Variants in FSHR observed in about 807,000 individuals in gnomAD.
FSHR encodes follicle-stimulating hormone receptor.
In FSHR, 46 loss-of-function variants were observed where a neutral mutation model predicts 52.1. The observed-to-expected ratio is 0.88, with a 90% confidence interval of 0.70 to 1.13. FSHR has a LOEUF of 1.13. Among genes scored for constraint, FSHR ranks in the 50% most tolerant of loss-of-function variants. The pLI is 0.00. For synonymous variants in FSHR, 399 were observed against 309.6 expected (o/e 1.29, Z -3.03); for missense variants, 964 against 834.6 (o/e 1.16, Z -1.91).
At chr2:49,015,439 T>C (rs1667451681) in intron 4 of FSHR, among the ~76,000 whole-genome samples, 1 of 152,182 alleles carries the variant, frequency 6.6e-6, no homozygotes, top group Non-Finnish European at 1.5e-5. Flanking sequence ...TATTAATGTT[T>C]TTGAGCACTT....
At chr2:49,005,958 A>T (rs1470041074) in intron 4 of FSHR, among the ~76,000 whole-genome samples, 4 of 152,142 alleles carry the variant, frequency 2.6e-5, no homozygotes, top group African/African-American at 9.7e-5. Context: ...AGCTGCCAGC[A>T]TGGCCAGACT....
At chr2:49,133,294 A>C (rs1161468376) in intron 1 of FSHR, among the ~76,000 whole-genome samples, 3 of 152,152 alleles carry the variant, frequency 2.0e-5, no homozygotes, top group Non-Finnish European at 4.4e-5. Flanking sequence ...ACCTGTTGAG[A>C]ATATGGGTCT....
intron 6 of FSHR, among the ~76,000 whole-genome samples, chr2:48,986,812 C>T (rs1407745140): frequency 1.3e-5 from 2 of 152,142 alleles, no homozygotes; most frequent in South Asian, 2.1e-4. Context: ...GACCAGGTCA[C>T]TTAAAGTGCT....
At chr2:48,988,358 TTAGA>T (rs757985764) in intron 6 of FSHR, among the ~76,000 whole-genome samples, 1 of 152,196 alleles carries the variant, frequency 6.6e-6, no homozygotes, top group Admixed American at 6.5e-5. Context: ...CCAGGCATAC[TTAGA>T]TAGCCCATAG....
At chr2:49,103,664 T>C (rs1295990498) in intron 1 of FSHR, among the ~76,000 whole-genome samples, 2 of 152,028 alleles carry the variant, frequency 1.3e-5, no homozygotes, top group Non-Finnish European at 2.9e-5. Context: ...ATCTTTTAAA[T>C]TGAGGGCAAA....
At chr2:49,012,807 A>G (rs748081146) in intron 4 of FSHR, among the ~76,000 whole-genome samples, 1 of 152,082 alleles carries the variant, frequency 6.6e-6, no homozygotes, top group Non-Finnish European at 1.5e-5. Flanking sequence ...ATCTACCTCT[A>G]CCTGGCTGCT....
chr2:49,065,204 T>G (rs2104334932), intron 2 of FSHR, among the ~76,000 whole-genome samples: 1 of 152,224 alleles, frequency 6.6e-6, no homozygotes, highest in African/African-American at 2.4e-5. Context: ...TGCCAGGAGC[T>G]TATGACTTAA....
chr2:49,128,873 A>C (rs963322079), intron 1 of FSHR, among the ~76,000 whole-genome samples: 5 of 152,168 alleles, frequency 3.3e-5, no homozygotes, highest in Non-Finnish European at 7.4e-5. Flanking sequence ...ATCAGAAGAC[A>C]GGAGAATAAC....
chr2:49,116,547 T>C (rs544366183), intron 1 of FSHR, among the ~76,000 whole-genome samples: 13 of 152,276 alleles, frequency 8.5e-5, no homozygotes, highest in Non-Finnish European at 1.3e-4. Flanking sequence ...AATGAGGTAA[T>C]GTAAATGCAC....
chr2:48,999,990 G>C (rs1210896704), intron 4 of FSHR, among the ~76,000 whole-genome samples: 1 of 152,080 alleles, frequency 6.6e-6, no homozygotes, highest in African/African-American at 2.4e-5. Context: ...GACATGGTTG[G>C]TAAACTCTGT....
chr2:49,060,578 T>G (rs1379662459), intron 2 of FSHR, among the ~76,000 whole-genome samples: 1 of 152,136 alleles, frequency 6.6e-6, no homozygotes, highest in Non-Finnish European at 1.5e-5. Flanking sequence ...TGAGCTGAAG[T>G]GGCACATTGC....
intron 1 of FSHR, among the ~76,000 whole-genome samples, chr2:49,082,636 A>G (rs1242930187): frequency 6.6e-6 from 1 of 152,208 alleles, no homozygotes; most frequent in African/African-American, 2.4e-5. Context: ...TAACCAATAC[A>G]GAGAAGTGCT....
At chr2:49,114,531 C>T (rs1671532835) in intron 1 of FSHR, among the ~76,000 whole-genome samples, 1 of 152,096 alleles carries the variant, frequency 6.6e-6, no homozygotes, top group African/African-American at 2.4e-5. Context: ...ACTAAACAGC[C>T]ATATAACCTT....
chr2:48,963,103 C>A lies in FSHR; in HGVS notation c.1718G>T (p.Arg573Leu), dbSNP rs375475417. The change falls in exon 10 of 10, where the codon CGC becomes CTC. Residue 573 changes from arginine (R) to leucine (L), a missense_variant. Arg to Leu is a moderately radical substitution (Grantham distance 102). Transcript: ENST00000406846. ...SSSSDTRIAKRMAMLIFTDFL... is the reference protein window; with the variant it reads ...SSSSDTRIAKLMAMLIFTDFL... ...GTCAGTGAAGATGAGCATGGCCATG[C>A]GCTTGGCGATCCTGGTGTCACTAGA... 1.2e-6 allele frequency: 2 copies of A among 1,614,044 alleles called. No individual in the cohort carries two copies. Among genetic ancestry groups the A allele is most frequent in the Admixed American group, 3.3e-5 (2 of 60,014 alleles).
chr2:48,975,959 T>G (rs1419357913), intron 8 of FSHR, among the ~76,000 whole-genome samples: 1 of 152,216 alleles, frequency 6.6e-6, no homozygotes, highest in Non-Finnish European at 1.5e-5. Flanking sequence ...CCTCTCTTCC[T>G]ATTTGAATAC....
chr2:49,014,684 A>C (rs986324266), intron 4 of FSHR: 1 of 256,248 alleles, frequency 3.9e-6, no homozygotes, highest in African/African-American at 2.3e-5. Context: ...ATGATTCCTC[A>C]TTTCTCATTT....
intron 2 of FSHR, among the ~76,000 whole-genome samples, chr2:49,033,895 G>T (rs912921253): frequency 2.0e-5 from 3 of 152,138 alleles, no homozygotes; most frequent in African/African-American, 7.2e-5. Context: ...GTCCTTTCTG[G>T]AGCCCCTTAT....
At chr2:49,081,557 A>T (rs2103657408) in intron 1 of FSHR, among the ~76,000 whole-genome samples, 2 of 152,322 alleles carry the variant, frequency 1.3e-5, no homozygotes, top group South Asian at 4.1e-4. Context: ...ACAGCTATTT[A>T]AAAGTATCAT....
intron 2 of FSHR, among the ~76,000 whole-genome samples, chr2:49,046,551 A>G (rs539414458): frequency 7.2e-5 from 11 of 152,302 alleles, no homozygotes; most frequent in African/African-American, 2.4e-4. Flanking sequence ...GGCTTAGCTC[A>G]GTTTCTGGCA....
Sources: gnomAD v4.1 joint callset for allele counts (sites outside exome capture counted in the v4.1 genomes callset) on GRCh38, gnomAD v4.1.1 for gene constraint, MANE v1.5 for transcripts, NCBI Gene and HGNC (gene_info 2026-07-23, HGNC 2026-07-21) for gene names.